Variants in DDX10 observed in about 807,000 individuals in gnomAD.
DDX10 encodes probable ATP-dependent RNA helicase DDX10.
A neutral mutation model predicts 104.3 loss-of-function variants in DDX10; 74 were observed. The observed-to-expected ratio is 0.71, with a 90% confidence interval of 0.59 to 0.86. DDX10 has a LOEUF of 0.86. Ranked by LOEUF, DDX10 falls within the 40% of genes least tolerant of loss-of-function variation. The probability of loss-of-function intolerance (pLI) is 0.00; values close to 1 mark genes in which losing one functional copy is unlikely to be tolerated. For missense variants in DDX10, 952 were observed against 1,040.0 expected, an observed-to-expected ratio of 0.92 and a Z score of 1.16; for synonymous variants, 351 against 353.4, an observed-to-expected ratio of 0.99 and a Z score of 0.08.
chr11:108,707,351 T>C (rs1298104369), intron 10 of DDX10, among the ~76,000 whole-genome samples: 3 of 152,212 alleles, frequency 2.0e-5, no homozygotes, highest in Admixed American at 2.0e-4. Flanking sequence ...TCATATATTA[T>C]AGTTGGAATT....
At chr11:108,892,747 A>T (rs1863392806) in intron 16 of DDX10, among the ~76,000 whole-genome samples, 1 of 152,186 alleles carries the variant, frequency 6.6e-6, no homozygotes, top group Non-Finnish European at 1.5e-5. Flanking sequence ...ATCATTTGGG[A>T]TGAGATGGGG....
chr11:108,901,910 A>C (rs1255371928), intron 16 of DDX10, among the ~76,000 whole-genome samples: 2 of 152,266 alleles, frequency 1.3e-5, no homozygotes, highest in African/African-American at 2.4e-5. Context: ...GAACTAGAGC[A>C]AAACTGTCTG....
At chr11:108,745,763 G>A (rs1161635179) in intron 13 of DDX10, among the ~76,000 whole-genome samples, 1 of 152,140 alleles carries the variant, frequency 6.6e-6, no homozygotes, top group African/African-American at 2.4e-5. Context: ...TTATTGGCAA[G>A]ATGAAAGTAG....
At chr11:108,773,306 G>C (rs1001549721) in intron 13 of DDX10, among the ~76,000 whole-genome samples, 69 of 152,212 alleles carry the variant, frequency 4.5e-4, no homozygotes, top group African/African-American at 1.5e-3. Context: ...CCCTAACTTT[G>C]TTTTCTGCTT....
At chr11:108,854,399 G>T (rs756065499) in intron 16 of DDX10, among the ~76,000 whole-genome samples, 1 of 152,148 alleles carries the variant, frequency 6.6e-6, no homozygotes, top group Non-Finnish European at 1.5e-5. Context: ...TTGTCTTCTC[G>T]TTGATCCTCT....
chr11:108,896,480 A>G (rs1207198818), intron 16 of DDX10, among the ~76,000 whole-genome samples: 11 of 152,054 alleles, frequency 7.2e-5, no homozygotes, highest in Non-Finnish European at 1.5e-4. Flanking sequence ...ATATACTGGT[A>G]TCTGTTTAGT....
chr11:108,801,306 A>G (rs144131933), intron 13 of DDX10, among the ~76,000 whole-genome samples: 51 of 152,378 alleles, frequency 3.3e-4, no homozygotes, highest in Middle Eastern at 6.8e-3. Context: ...AAACTGCCAT[A>G]GAATCAGCTA....
intron 16 of DDX10, among the ~76,000 whole-genome samples, chr11:108,899,660 TG>T (rs1316385268): frequency 1.3e-5 from 2 of 152,180 alleles, no homozygotes; most frequent in African/African-American, 4.8e-5. Flanking sequence ...TGATACAGTT[TG>T]AATATATGTC....
At chr11:108,815,812 A>T (rs1162074213) in intron 13 of DDX10, among the ~76,000 whole-genome samples, 1 of 152,184 alleles carries the variant, frequency 6.6e-6, no homozygotes, top group Admixed American at 6.5e-5. Flanking sequence ...TAAATTTTAG[A>T]CTCAATAACA....
chr11:108,933,310 T>C (rs1277674053), intron 17 of DDX10, among the ~76,000 whole-genome samples: 2 of 150,374 alleles, frequency 1.3e-5, no homozygotes, highest in Non-Finnish European at 2.9e-5. Flanking sequence ...TTTGTTCAGC[T>C]GACTTAGCAG....
chr11:108,764,448 A>T (rs988118000), intron 13 of DDX10, among the ~76,000 whole-genome samples: 1 of 152,174 alleles, frequency 6.6e-6, no homozygotes, highest in Non-Finnish European at 1.5e-5. Context: ...CAGGTGGATC[A>T]CCTGAGGTCA....
At chr11:108,693,790 A>G (rs1565249295) in intron 9 of DDX10, among the ~76,000 whole-genome samples, 190 bp downstream of exon 9, 1 of 152,232 alleles carries the variant, frequency 6.6e-6, no homozygotes, top group Non-Finnish European at 1.5e-5. Flanking sequence ...ATCCATAAAA[A>G]TCTTATTTTA....
intron 6 of DDX10, among the ~76,000 whole-genome samples, chr11:108,680,159 A>C (rs2094232664): frequency 6.6e-6 from 1 of 152,208 alleles, no homozygotes. Context: ...CTTAAAGTAT[A>C]TGTGTTACAG....
At chr11:108,888,027 A>G (rs1489012260) in intron 16 of DDX10, among the ~76,000 whole-genome samples, 6 of 152,016 alleles carry the variant, frequency 3.9e-5, no homozygotes, top group Non-Finnish European at 7.4e-5. Flanking sequence ...GGAAATGGGT[A>G]TTACTTGTCT....
At chr11:108,803,072 C>T (rs1862045981) in intron 13 of DDX10, among the ~76,000 whole-genome samples, 1 of 152,220 alleles carries the variant, frequency 6.6e-6, no homozygotes, top group Non-Finnish European at 1.5e-5. Context: ...TACATGCTGT[C>T]TCCAGCAGCT....
rs985100136 is a variant in DDX10 at position 108,687,920 on chromosome 11, A to C, written c.849-1016A>C. 3.9e-5 allele frequency among the ~76,000 whole-genome samples: 6 copies of C among 152,308 alleles called. No individual in the cohort carries two copies. The South Asian group carries it at 6.2e-4, about 16-fold the overall frequency. ...TAAACACAGACACACATGGGTGGGC[A>C]TGTATATGGATATATAATGTATAGC... On this transcript the variant is annotated intron_variant, in intron 6 of 17. Coordinates refer to ENST00000322536, the MANE Select transcript of DDX10 (RefSeq NM_004398.4).
intron 13 of DDX10, chr11:108,767,809 TTTTG>T (rs1342489606): frequency 6.6e-6 from 1 of 152,162 alleles, no homozygotes; most frequent in Non-Finnish European, 1.5e-5. Flanking sequence ...TAAATGTGGA[TTTTG>T]TTTTTCAATA....
chr11:108,766,482 A>C (rs2094356504), intron 13 of DDX10, among the ~76,000 whole-genome samples: 1 of 152,196 alleles, frequency 6.6e-6, no homozygotes, highest in Non-Finnish European at 1.5e-5. Context: ...TATTCTTTAG[A>C]TCTCATATTA....
chr11:108,726,263 T>C (rs1345733967), intron 13 of DDX10, among the ~76,000 whole-genome samples: 1 of 152,086 alleles, frequency 6.6e-6, no homozygotes, highest in East Asian at 1.9e-4. Flanking sequence ...AGTTACTTCG[T>C]ATAAAAAGCT....
Sources: gnomAD v4.1 joint callset for allele counts (sites outside exome capture counted in the v4.1 genomes callset) on GRCh38, gnomAD v4.1.1 for gene constraint, MANE v1.5 for transcripts, NCBI Gene and HGNC (gene_info 2026-07-23, HGNC 2026-07-21) for gene names.